Variants in ATL1 observed in about 807,000 individuals in gnomAD.
ATL1 encodes the protein atlastin GTPase 1, also known as atlastin-1.
A neutral mutation model predicts 75.5 loss-of-function variants in ATL1; 31 were observed. That is an observed-to-expected ratio of 0.41 (90% CI 0.31 to 0.55). ATL1 has a LOEUF of 0.55. ATL1 is among the 20% of genes least tolerant of loss of function. ATL1 has a pLI of 0.27. For synonymous variants in ATL1, 226 were observed against 233.3 expected, an observed-to-expected ratio of 0.97 and a Z score of 0.28; for missense variants, 405 against 662.6, an observed-to-expected ratio of 0.61 and a Z score of 4.27.
rs780922147 is a variant in ATL1, at chr14:50,632,262, C to T, written c.1600C>T (p.His534Tyr). Reference sequence around the variant, plus strand: ...CAAGCTTTACAGTGCAGCAGCAACCCACAGACATCTGTATCATCAAGCTTT... The same window carrying T: ...CAAGCTTTACAGTGCAGCAGCAACCTACAGACATCTGTATCATCAAGCTTT... The part of the protein sequence containing the change: ...LYKLYSAAAT[H>Y]RHLYHQAFPT... The change falls in exon 14 of 14, where the codon CAC (histidine) becomes TAC (tyrosine). Residue 534 changes from histidine (H) to tyrosine (Y), a missense_variant. Physicochemically the swap from His to Tyr is moderately conservative, Grantham distance 83 (BLOSUM62 2). Coordinates refer to ENST00000358385, the MANE Select transcript of ATL1 (RefSeq NM_015915.5). 2.1e-5 allele frequency: 34 copies of T among 1,612,566 alleles called. No individual in the cohort carries two copies. The highest frequency in any genetic ancestry group is 3.4e-6 in the Non-Finnish European group (4 of 1,179,338).
intron 11 of ATL1, among the ~76,000 whole-genome samples, chr14:50,627,056 A>T (rs894963920): frequency 6.6e-6 from 1 of 152,240 alleles, no homozygotes; most frequent in Non-Finnish European, 1.5e-5. Context: ...GAAATCTTTC[A>T]TGAAAGGAAG....
chr14:50,599,298 G>A (rs1177900608), intron 6 of ATL1, among the ~76,000 whole-genome samples: 2 of 152,084 alleles, frequency 1.3e-5, no homozygotes, highest in Admixed American at 6.5e-5. Flanking sequence ...AACCTGAATG[G>A]CTAATACATT....
rs373591459 is a variant in ATL1, at chr14:50,591,621, A to C, written c.504A>C (p.Thr168=). 5 of 1,613,216 alleles carry C rather than the reference A, an allele frequency of 3.1e-6. No homozygotes were observed. The highest frequency in any genetic ancestry group is 4.2e-6 in the Non-Finnish European group (5 of 1,179,422). The change falls in exon 4 of 14, where the codon ACA becomes ACC. Residue 168 remains threonine, a synonymous_variant. Transcript: ENST00000358385. ...CAGCCACAGTATTTGCCCTTAGCACAATGATCAGCTCAATACAGGTATGAA... is the reference window on the plus strand; with the variant it reads ...CAGCCACAGTATTTGCCCTTAGCACCATGATCAGCTCAATACAGGTATGAA... ...RDSATVFALS[T]MISSIQVYNL... is the part of the protein sequence containing the mutation.
Position 50,597,187 on chromosome 14 carries a change from C to T in ATL1, c.630+1555C>T, listed in dbSNP as rs1334094418. On this transcript the variant is annotated intron_variant, in intron 6 of 13. Coordinates refer to ENST00000358385, the MANE Select transcript of ATL1 (RefSeq NM_015915.5). ...TTGCACCATTGCACTCTAGCCTGGG[C>T]GACAGAGCAAGACTCTGTCTCAAAA... 4.3e-5 allele frequency among the ~76,000 whole-genome samples: 5 copies of T among 117,356 alleles called. No individual in the cohort carries two copies. The East Asian group carries it at 9.3e-4, about 22-fold the overall frequency. The allele number at this position is 117,356 out of a possible 152,430, so 77.0% of individuals were successfully genotyped here.
chr14:50,606,947 G>A (rs573610886), intron 6 of ATL1, among the ~76,000 whole-genome samples: 2 of 152,132 alleles, frequency 1.3e-5, no homozygotes, highest in African/African-American at 4.8e-5. Context: ...TCAAGTGAAT[G>A]TACTTCCAAC....
chr14:50,594,072 A>G (rs2039189332), intron 5 of ATL1, among the ~76,000 whole-genome samples, 176 bp downstream of exon 5: 1 of 152,226 alleles, frequency 6.6e-6, no homozygotes, highest in East Asian at 1.9e-4. Flanking sequence ...TTTATAAAGG[A>G]AAGAGGTTTA....
upstream of ATL1, chr14:50,560,043 G>A (rs1241048626): frequency 1.7e-5 from 10 of 599,724 alleles, no homozygotes; most frequent in East Asian, 5.7e-5. Context: ...TGTGACGCTG[G>A]TATCTGTGTG....
In ATL1 at chr14:50,624,561, C is replaced by T. The variant is rs114692519; in HGVS notation, c.1119+1313C>T. On this transcript the variant is annotated intron_variant, in intron 11 of 13. Coordinates refer to ENST00000358385, the MANE Select transcript of ATL1 (RefSeq NM_015915.5). ...GTCCTTTCTTTTACCTGAGGCACAA[C>T]AATATTGAAAATAGGCCAATTAATA... 1.3e-5 allele frequency among the ~76,000 whole-genome samples: 2 copies of T among 151,928 alleles called. 1 individual carries two copies. Among genetic ancestry groups the T allele is most frequent in the Non-Finnish European group, 2.9e-5 (2 of 67,944 alleles).
chr14:50,550,199 C>T (rs987164784), intron 1 of ATL1, among the ~76,000 whole-genome samples: 1 of 152,202 alleles, frequency 6.6e-6, no homozygotes, highest in African/African-American at 2.4e-5. Context: ...AGGCTGGAAG[C>T]TTACCAATTG....
In ATL1 at chr14:50,632,387, T is replaced by A; in HGVS notation, c.*48T>A. 6.3e-6 allele frequency: 8 copies of A among 1,270,518 alleles called. No individual in the cohort carries two copies. The highest frequency in any genetic ancestry group is 9.1e-6 in the Non-Finnish European group (8 of 876,240). 78.7% of individuals were successfully genotyped at this position (1,270,518 alleles called of 1,614,324 possible). ...TGCATGACCAATTGTCAATTAAATA[T>A]TCAGTTTTATGTCTCCATGCAAACA... On this transcript the variant is annotated 3_prime_UTR_variant, in exon 14 of 14. Coordinates refer to ENST00000358385, the MANE Select transcript of ATL1 (RefSeq NM_015915.5).
At chr14:50,579,992 A>G (rs2039041099) in intron 1 of ATL1, among the ~76,000 whole-genome samples, 1 of 152,238 alleles carries the variant, frequency 6.6e-6, no homozygotes, top group African/African-American at 2.4e-5. Context: ...AAAATAATTA[A>G]GTTATAATCT....
At position 50,547,390 on chromosome 14, in the gene ATL1, T is replaced by A. The variant is rs148157506; in HGVS notation, c.-139-12737T>A. Among the ~76,000 whole-genome samples the A allele has an allele frequency of 3.4e-4, 51 of 152,228 alleles. No individual in the cohort carries two copies. The East Asian group carries it at 4.1e-3, about 12-fold the overall frequency. ...CTGTACCTGTTAATGGGAAATGAAA[T>A]CTGTTATGTAGGGGAAGCATTGGTG... is the stretch of plus-strand genomic sequence containing the variant. On this transcript the variant is annotated intron_variant, in intron 1 of 13. Transcript: ENST00000441560.
chr14:50,542,100 G>A (rs1461121953), intron 1 of ATL1, among the ~76,000 whole-genome samples: 1 of 138,694 alleles, frequency 7.2e-6, no homozygotes, highest in African/African-American at 2.7e-5. Context: ...GGCAACTCTT[G>A]ATTTACTTCT....
rs1368199921 is a variant in ATL1 at position 50,624,999 on chromosome 14, G to GT, written c.1119+1751_1119+1752insT. On this transcript the variant is annotated intron_variant, in intron 11 of 13. Coordinates refer to ENST00000358385, the MANE Select transcript of ATL1 (RefSeq NM_015915.5). ...GCAGGAGAATCGCTTGAACCCAGGA[G>GT]GCAGAGGTTGCAATGAGCCAAGATC... Among the ~76,000 whole-genome samples the GT allele has an allele frequency of 4.5e-3, 685 of 150,734 alleles. 2 individuals carry two copies. The highest frequency in any genetic ancestry group is 0.011 in the Middle Eastern group (3 of 274).
At chr14:50,545,833 G>C (rs924411919) in intron 1 of ATL1, among the ~76,000 whole-genome samples, 5 of 152,168 alleles carry the variant, frequency 3.3e-5, no homozygotes, top group East Asian at 3.9e-4. Context: ...ACGCCAGCTG[G>C]TTACATATTA....
chr14:50,583,111 G>C (rs867587274), intron 1 of ATL1, among the ~76,000 whole-genome samples: 13 of 152,076 alleles, frequency 8.5e-5, no homozygotes, highest in African/African-American at 3.1e-4. Flanking sequence ...TGTAACAAAA[G>C]TAACCCCAAT....
At chr14:50,554,373 T>G (rs2038739768) in intron 1 of ATL1, among the ~76,000 whole-genome samples, 1 of 152,240 alleles carries the variant, frequency 6.6e-6, no homozygotes, top group African/African-American at 2.4e-5. Flanking sequence ...ACTGTAGATG[T>G]GGCTTGTACG....
Position 50,598,278 on chromosome 14 carries a change from A to C in ATL1, c.630+2646A>C, listed in dbSNP as rs1239287252. 3.9e-5 allele frequency among the ~76,000 whole-genome samples: 6 copies of C among 152,336 alleles called. No individual in the cohort carries two copies. The East Asian group carries it at 5.8e-4, about 15-fold the overall frequency. On this transcript the variant is annotated intron_variant, in intron 6 of 13. Transcript: ENST00000358385. ...GTGCAATTATAATTGAAATTACAAT[A>C]GGATTTTTGTATATTTTCTACAACT...
intron 4 of ATL1, among the ~76,000 whole-genome samples, chr14:50,593,623 G>A (rs1360753289): frequency 6.6e-6 from 1 of 152,100 alleles, no homozygotes; most frequent in East Asian, 1.9e-4. Context: ...TCCAGAGCAG[G>A]TGACTACTGT....
Sources: gnomAD v4.1 joint callset for allele counts (sites outside exome capture counted in the v4.1 genomes callset) on GRCh38, gnomAD v4.1.1 for gene constraint, MANE v1.5 for transcripts, NCBI Gene and HGNC (gene_info 2026-07-23, HGNC 2026-07-21) for gene names.